DRC9: variants seen among roughly 807,000 people sequenced by gnomAD.
DRC9 encodes the protein dynein regulatory complex subunit 9.
chr3:197,909,532 C>T, the DRC9 span, among the ~76,000 whole-genome samples: 212 of 152,318 alleles, frequency 1.4e-3, no homozygotes, highest in African/African-American at 4.9e-3. Context: ...TGGAAACAAC[C>T]TAAATCTACT....
the DRC9 span, chr3:197,949,801 G>C: frequency 2.8e-6 from 1 of 360,278 alleles, no homozygotes; most frequent in Admixed American, 4.6e-5. Context: ...TGTGTGTATC[G>C]AGAGAAAAGC....
chr3:197,902,942 T>C, the DRC9 span, among the ~76,000 whole-genome samples: 17 of 152,254 alleles, frequency 1.1e-4, no homozygotes, highest in East Asian at 3.1e-3. Flanking sequence ...TATAGAGCTA[T>C]AGTAACCAAA....
the DRC9 span, chr3:197,889,510 G>C: frequency 1.3e-6 from 2 of 1,546,938 alleles, no homozygotes; most frequent in Non-Finnish European, 1.8e-6. Context: ...GAGGTACCAG[G>C]TGTTTCTTAA....
At chr3:197,908,408 G>C in the DRC9 span, among the ~76,000 whole-genome samples, 1 of 139,908 alleles carries the variant, frequency 7.1e-6, no homozygotes, top group Non-Finnish European at 1.5e-5. Context: ...CATCCTCCCA[G>C]ATGAAGTTAT....
chr3:197,918,233 G>A, the DRC9 span, among the ~76,000 whole-genome samples: 7 of 135,988 alleles, frequency 5.1e-5, no homozygotes, highest in East Asian at 6.4e-4. Flanking sequence ...GTGCTACCAC[G>A]CCACCACACC....
chr3:197,899,265 C>A, the DRC9 span, among the ~76,000 whole-genome samples: 1 of 152,102 alleles, frequency 6.6e-6, no homozygotes, highest in Admixed American at 6.5e-5. Flanking sequence ...AAAATAAAAT[C>A]ATAATAATAA....
chr3:197,951,099 T>G, the DRC9 span: 10 of 1,611,468 alleles, frequency 6.2e-6, no homozygotes, highest in East Asian at 2.0e-4. Flanking sequence ...TGGGGGTGAT[T>G]ACAAGTCAGA....
At chr3:197,912,509 TATAAG>T in the DRC9 span, 3 of 606,396 alleles carry the variant, frequency 4.9e-6, no homozygotes, top group Non-Finnish European at 8.8e-6. Flanking sequence ...ATTACAGCTA[TATAAG>T]ATATCTATTC....
the DRC9 span, among the ~76,000 whole-genome samples, chr3:197,891,913 T>G: frequency 6.6e-6 from 1 of 152,108 alleles, no homozygotes; most frequent in African/African-American, 2.4e-5. Flanking sequence ...TGAGACAGAG[T>G]CTCACTCTGT....
At chr3:197,917,702 C>T in the DRC9 span, among the ~76,000 whole-genome samples, 1 of 151,742 alleles carries the variant, frequency 6.6e-6, no homozygotes, top group Non-Finnish European at 1.5e-5. Flanking sequence ...ATACGCACTT[C>T]CCTTCTCCCC....
chr3:197,912,969 G>A, the DRC9 span: 3 of 534,256 alleles, frequency 5.6e-6, no homozygotes, highest in Non-Finnish European at 1.0e-5. Flanking sequence ...GCACAATCCC[G>A]TGAGCTGAAC....
chr3:197,891,792 A>G, the DRC9 span, among the ~76,000 whole-genome samples: 1 of 152,252 alleles, frequency 6.6e-6, no homozygotes, highest in Non-Finnish European at 1.5e-5. Flanking sequence ...AAAATGAAAT[A>G]TGAATTAATG....
chr3:197,906,444 T>C, the DRC9 span: 8 of 152,220 alleles, frequency 5.3e-5, no homozygotes, highest in African/African-American at 1.7e-4. Context: ...TTTCTTTTTT[T>C]TTTTTCCCTA....
the DRC9 span, among the ~76,000 whole-genome samples, chr3:197,915,037 G>T: frequency 1.3e-5 from 2 of 151,546 alleles, no homozygotes; most frequent in East Asian, 3.9e-4. Flanking sequence ...GGTGGCGGGC[G>T]CCTGTAATCC....
At chr3:197,892,690 G>C in the DRC9 span, 3 of 1,614,104 alleles carry the variant, frequency 1.9e-6, no homozygotes, top group Non-Finnish European at 2.5e-6. Context: ...AGAGCATTTA[G>C]TTCATTCTGT....
the DRC9 span, among the ~76,000 whole-genome samples, chr3:197,898,280 T>C: frequency 2.6e-5 from 4 of 152,168 alleles, no homozygotes; most frequent in South Asian, 8.3e-4. Flanking sequence ...CTAAAAATCA[T>C]TTGGAAAGGA....
the DRC9 span, chr3:197,955,787 C>A: frequency 8.2e-4 from 1,305 of 1,594,294 alleles, 6 homozygotes; most frequent in African/African-American, 5.3e-3. Context: ...AACGAAAAAT[C>A]AATAAATAAA....
chr3:197,950,687 T>G, the DRC9 span: 1 of 534,682 alleles, frequency 1.9e-6, no homozygotes, highest in Non-Finnish European at 3.3e-6. Flanking sequence ...TTTCTGAGAG[T>G]CATTTTTGTG....
chr3:197,953,441 T>C, the DRC9 span: 1 of 456,622 alleles, frequency 2.2e-6, no homozygotes, highest in Non-Finnish European at 4.4e-6. Flanking sequence ...TTTCTCTCAT[T>C]CAGTAAAAGC....
Sources: gnomAD v4.1 joint callset for allele counts (sites outside exome capture counted in the v4.1 genomes callset) on GRCh38, gnomAD v4.1.1 for gene constraint, MANE v1.5 for transcripts, NCBI Gene and HGNC (gene_info 2026-07-23, HGNC 2026-07-21) for gene names.